Variants in ACSBG1 observed in about 807,000 individuals in gnomAD.
ACSBG1 encodes long-chain-fatty-acid--CoA ligase ACSBG1.
A neutral mutation model predicts 80.2 loss-of-function variants in ACSBG1; 39 were observed. That is an observed-to-expected ratio of 0.49 (90% confidence interval 0.38 to 0.64). ACSBG1 has a LOEUF of 0.64. ACSBG1 is among the 30% of genes least tolerant of loss of function. The pLI, the probability that ACSBG1 is intolerant of heterozygous loss-of-function variation, is 0.00. For missense variants in ACSBG1, 828 were observed against 966.4 expected, an observed-to-expected ratio of 0.86 and a Z score of 1.90; for synonymous variants, 392 against 379.5, an observed-to-expected ratio of 1.03 and a Z score of -0.38.
chr15:78,210,999 C>T (rs1380147187), intron 1 of ACSBG1, among the ~76,000 whole-genome samples: 2 of 152,260 alleles, frequency 1.3e-5, no homozygotes, highest in Non-Finnish European at 2.9e-5. Flanking sequence ...ATTCATCTCA[C>T]TCCTACATTG....
intron 8 of ACSBG1, 134 bp downstream of exon 8, chr15:78,181,835 A>G: frequency 2.5e-6 from 3 of 1,192,912 alleles, no homozygotes; most frequent in Non-Finnish European, 3.5e-6. Context: ...GGCTGTGCCC[A>G]CTGCAGCTGA....
At chr15:78,208,424 C>T (rs1020260589) in intron 1 of ACSBG1, among the ~76,000 whole-genome samples, 1 of 152,186 alleles carries the variant, frequency 6.6e-6, no homozygotes, top group East Asian at 1.9e-4. Context: ...GGGGTCTCAG[C>T]ACCCCACCTG....
intron 2 of ACSBG1, 85 bp downstream of exon 2, chr15:78,207,917 T>TCCCCCCCACCCCCCCCCCCCCCCCCCCAC: frequency 8.0e-6 from 7 of 876,066 alleles, no homozygotes; most frequent in East Asian, 5.4e-5. Flanking sequence ...TGTGTGGTGG[T>TCCCCCCCACCCCCCCCCCCCCCCCCCCAC]CCCCCACACC....
intron 8 of ACSBG1, among the ~76,000 whole-genome samples, chr15:78,181,546 T>C (rs1274483554): frequency 7.3e-6 from 1 of 137,454 alleles, no homozygotes; most frequent in Non-Finnish European, 1.5e-5. Flanking sequence ...CAGGCTGGAG[T>C]ACAGTGGCGT....
intron 1 of ACSBG1, chr15:78,213,428 G>T (rs776695206): frequency 6.6e-6 from 1 of 152,424 alleles, no homozygotes; most frequent in Non-Finnish European, 1.5e-5. Flanking sequence ...GCCCCAGGGT[G>T]CTCACCTTCC....
At chr15:78,194,164 A>G (rs2075088303) in intron 3 of ACSBG1, 144 bp from the exon 4 acceptor site, 2 of 794,170 alleles carry the variant, frequency 2.5e-6, no homozygotes, top group South Asian at 3.3e-5. Flanking sequence ...CCCTTGGAGG[A>G]GAAGGGGTTG....
At chr15:78,195,170 G>A (rs1372972185) in intron 2 of ACSBG1, among the ~76,000 whole-genome samples, 1 of 152,166 alleles carries the variant, frequency 6.6e-6, no homozygotes, top group Non-Finnish European at 1.5e-5. Context: ...CGACCCTCCC[G>A]AGGGTCTGGA....
chr15:78,207,431 A>C lies in ACSBG1; in HGVS notation c.232+571T>G, dbSNP rs559433882. Among the ~76,000 whole-genome samples, 3 of 152,286 alleles carry C rather than the reference A, an allele frequency of 2.0e-5. No homozygotes were observed. The East Asian group carries it at 5.8e-4, about 29-fold the overall frequency. Reference sequence around the variant, plus strand: ...CTACAATGTTGTTGTGCAGCCAATAAAAGTGCACAAAAGATGTATTATTAT... The same window carrying C: ...CTACAATGTTGTTGTGCAGCCAATACAAGTGCACAAAAGATGTATTATTAT... On this transcript the variant is annotated intron_variant, in intron 2 of 13. Coordinates refer to ENST00000258873, the MANE Select transcript of ACSBG1 (RefSeq NM_015162.5).
rs1427129342 is a variant in ACSBG1, at chr15:78,170,773, C to T, written c.*671G>A. 2 of 152,702 alleles carry T rather than the reference C, an allele frequency of 1.3e-5. No individual in the cohort carries two copies. The highest frequency in any genetic ancestry group is 1.5e-5 in the Non-Finnish European group (1 of 68,100). 9.5% of individuals were successfully genotyped at this position (152,702 alleles called of 1,614,324 possible). A position where few individuals can be genotyped will look rare whatever the true frequency, so the allele number is the denominator to read the frequency against. ...ACTCGCATGCCCGCTGTGCACAGTC[C>T]TGTGAGTTAAATGCCCACTACTCTC... On this transcript the variant is annotated 3_prime_UTR_variant, in exon 14 of 14. Transcript: ENST00000258873.
intron 1 of ACSBG1, among the ~76,000 whole-genome samples, chr15:78,222,265 G>A (rs969263175): frequency 6.6e-6 from 1 of 152,236 alleles, no homozygotes; most frequent in African/African-American, 2.4e-5. Context: ...GAGACAAACA[G>A]TAGTAGATTT....
At position 78,193,952 on chromosome 15, in the gene ACSBG1, T is replaced by G. The variant is rs915724212; in HGVS notation, c.522A>C (p.Ala174=). The change falls in exon 4 of 14, where the codon GCA becomes GCC. Residue 174 remains alanine (A), a synonymous_variant. Transcript: ENST00000258873. ...CTCACCCTGCAAATACTGTGCCCAC[T>G]GCCGAGAAGAACCACTCCGGGGAGT... ...GFNSPEWFFS[A]VGTVFAGGIV... is the part of the protein sequence containing the mutation. 1 of 1,613,468 alleles carries G rather than the reference T, an allele frequency of 6.2e-7. No individual in the cohort carries two copies. Among genetic ancestry groups the G allele is most frequent in the Non-Finnish European group, 8.5e-7 (1 of 1,179,892 alleles).
At chr15:78,213,270 G>A (rs60463363) in intron 1 of ACSBG1, among the ~76,000 whole-genome samples, 6,171 of 152,260 alleles carry the variant, frequency 0.041, 454 homozygotes, top group African/African-American at 0.14. Context: ...CTGCGTGGCG[G>A]ACCCCACGCC....
chr15:78,178,614 C>T lies in ACSBG1; in HGVS notation c.1702G>A (p.Glu568Lys), dbSNP rs768536234. 2 of 1,608,548 alleles carry T rather than the reference C, an allele frequency of 1.2e-6. No homozygotes were observed. The highest frequency in any genetic ancestry group is 1.7e-6 in the Non-Finnish European group (2 of 1,177,756). ...GFLYITGRLK[E>K]LIITAGGENV... ...ACCGTGCCTGGCCTGGGGTGCTCAC[C>T]TTTGAGGCGCCCAGTGATGTAGAGG... Residue 568 changes from glutamate to lysine, a missense_variant and splice_region_variant, in exon 11 of 14, where the codon GAA (glutamate) becomes AAA (lysine). Coordinates refer to ENST00000258873, the MANE Select transcript of ACSBG1 (RefSeq NM_015162.5). The surrounding 1 kb of genome is among the most constrained non-coding windows in gnomAD (Gnocchi z 4.3).
Position 78,170,796 on chromosome 15 carries a change from C to G in ACSBG1, c.*648G>C, listed in dbSNP as rs2074810890. 1 of 152,842 alleles carries G rather than the reference C, an allele frequency of 6.5e-6. No homozygotes were observed. The highest frequency in any genetic ancestry group is 1.5e-5 in the Non-Finnish European group (1 of 68,214). 9.5% of individuals were successfully genotyped at this position (152,842 alleles called of 1,614,324 possible). On this transcript the variant is annotated 3_prime_UTR_variant, in exon 14 of 14. Coordinates refer to ENST00000258873, the MANE Select transcript of ACSBG1 (RefSeq NM_015162.5). ...TCCTGTGAGTTAAATGCCCACTACTCTCTGCACTGGTCCCACCTGCTCAAT... is the reference window on the plus strand; with the variant it reads ...TCCTGTGAGTTAAATGCCCACTACTGTCTGCACTGGTCCCACCTGCTCAAT...
intron 5 of ACSBG1, among the ~76,000 whole-genome samples, chr15:78,187,303 A>G (rs1035440298): frequency 7.9e-4 from 120 of 152,340 alleles, no homozygotes; most frequent in African/African-American, 2.8e-3. Flanking sequence ...AAAAAGAGGG[A>G]ATCCTCCCTA....
At chr15:78,215,008 C>A (rs1220227214) in intron 1 of ACSBG1, among the ~76,000 whole-genome samples, 1 of 152,140 alleles carries the variant, frequency 6.6e-6, no homozygotes, top group African/African-American at 2.4e-5. Flanking sequence ...GCGTTAGGAC[C>A]CCTTTTGAGA....
chr15:78,194,762 C>T (rs1274613946), intron 2 of ACSBG1, 36 bp from the exon 3 acceptor site: 2 of 1,596,050 alleles, frequency 1.3e-6, no homozygotes, highest in Non-Finnish European at 1.7e-6. Flanking sequence ...TGGATCATGC[C>T]AGCCTGGGGA....
In ACSBG1 at chr15:78,182,520, G is replaced by A. The variant is rs1443425870; in HGVS notation, c.840C>T (p.Val280=). The change falls in exon 7 of 14, where the codon GTC becomes GTT. Residue 280 remains valine (V), a synonymous_variant. Transcript: ENST00000258873. The part of the protein sequence containing the change: ...TQQPNQCCVL[V]YTSGTTGNPK... ...GGTTCCCAGTGGTGCCGGAAGTGTA[G>A]ACTAGCACACAGCACTGGTTGGGCT... 6.2e-7 allele frequency: 1 copy of A among 1,614,072 alleles called. No individual in the cohort carries two copies. Among genetic ancestry groups the A allele is most frequent in the Non-Finnish European group, 8.5e-7 (1 of 1,180,038 alleles).
At chr15:78,221,380 C>A (rs750621781) in intron 1 of ACSBG1, among the ~76,000 whole-genome samples, 1 of 152,136 alleles carries the variant, frequency 6.6e-6, no homozygotes, top group Admixed American at 6.5e-5. Flanking sequence ...CAGACGTGCA[C>A]GTAGGCTAGA....
Sources: allele counts gnomAD v4.1 joint callset (sites outside exome capture counted in the v4.1 genomes callset), GRCh38; gene constraint gnomAD v4.1.1; non-coding constraint Gnocchi (gnomAD v3.1); transcripts MANE v1.5; gene names NCBI Gene and HGNC (gene_info 2026-07-23, HGNC 2026-07-21).